Variants in KANK1 observed in about 807,000 individuals in gnomAD.
The protein encoded by KANK1 is KN motif and ankyrin repeat domain-containing protein 1.
KANK1 carries 109 observed loss-of-function variants against 106.2 expected under a neutral mutation model. The observed-to-expected ratio is 1.03, with a 90% CI of 0.88 to 1.20. The LOEUF is 1.20. Ranked by LOEUF, KANK1 falls within the 50% of genes most tolerant of loss-of-function variation. The pLI is 0.00. For synonymous variants in KANK1, 873 were observed against 652.2 expected (o/e 1.34, Z -5.16); for missense variants, 2,399 against 1,710.7 (o/e 1.40, Z -7.10).
At chr9:699,340 C>G (rs773132483) in intron 2 of KANK1, among the ~76,000 whole-genome samples, 2 of 152,194 alleles carry the variant, frequency 1.3e-5, no homozygotes, top group Non-Finnish European at 2.9e-5. Context: ...CTATTGCAGG[C>G]ACTTAATAAA....
chr9:471,387 T>G (rs2058017733), intron 2 of KANK1: 1 of 152,200 alleles, frequency 6.6e-6, no homozygotes, highest in South Asian at 2.1e-4. Context: ...AGTAGGGAAG[T>G]GGGGAGCATG....
At chr9:475,110 A>G (rs368726282) in intron 3 of KANK1, among the ~76,000 whole-genome samples, 1 of 152,218 alleles carries the variant, frequency 6.6e-6, no homozygotes, top group African/African-American at 2.4e-5. Context: ...AGTGACAATC[A>G]GCAGCTTCAC....
chr9:534,873 AATT>A (rs1456988075), intron 1 of KANK1, among the ~76,000 whole-genome samples: 3 of 152,262 alleles, frequency 2.0e-5, no homozygotes, highest in Non-Finnish European at 2.9e-5. Context: ...ATGTGGGAAC[AATT>A]AGTCTTTTAA....
At chr9:684,893 T>C (rs1197174636) in intron 2 of KANK1, among the ~76,000 whole-genome samples, 2 of 147,658 alleles carry the variant, frequency 1.4e-5, no homozygotes, top group Admixed American at 1.4e-4. Flanking sequence ...AAGTTCTTGC[T>C]CTTTCCTGAC....
intron 1 of KANK1, among the ~76,000 whole-genome samples, chr9:668,915 C>T (rs1181556836): frequency 1.3e-5 from 2 of 152,084 alleles, no homozygotes; most frequent in South Asian, 4.2e-4. Flanking sequence ...GGTTTGCACT[C>T]TTATGAGAAT....
intron 1 of KANK1, among the ~76,000 whole-genome samples, chr9:583,457 G>C (rs1285139405): frequency 6.6e-6 from 1 of 152,050 alleles, no homozygotes; most frequent in Non-Finnish European, 1.5e-5. Flanking sequence ...GATTAGTGAA[G>C]TAGTGATGTT....
Position 730,066 on chromosome 9 carries a change from A to G in KANK1, c.2714A>G (p.Tyr905Cys). Residue 905 changes from tyrosine (Y) to cysteine (C), a missense_variant, in exon 4 of 12, where the codon TAT becomes TGT. Tyr to Cys is a radical substitution (Grantham distance 194). Coordinates refer to ENST00000382297, the MANE Select transcript of KANK1 (RefSeq NM_015158.5). ...LGKITGNYLG[Y>C]TCKCGGLQSG... The stretch of plus-strand genomic sequence containing the variant: ...TTCCTGATAGGCAATTATTTGGGAT[A>G]TACCTGTAAGTGTGGGGGCCTTCAG... The G allele has an allele frequency of 6.2e-7, 1 of 1,614,148 alleles. No homozygotes were observed. Among genetic ancestry groups the G allele is most frequent in the Non-Finnish European group, 8.5e-7 (1 of 1,180,006 alleles).
At chr9:737,699 G>C (rs1484567211) in intron 7 of KANK1, among the ~76,000 whole-genome samples, 3 of 152,200 alleles carry the variant, frequency 2.0e-5, no homozygotes, top group Non-Finnish European at 4.4e-5. Context: ...GTGGGAATTG[G>C]GTTGGCTATA....
chr9:495,719 T>C (rs1475709476), intron 3 of KANK1: 5 of 152,152 alleles, frequency 3.3e-5, no homozygotes, highest in Non-Finnish European at 7.3e-5. Flanking sequence ...CTTGGAAGAC[T>C]CCCTCCACCC....
chr9:610,534 A>G (rs1249038329), intron 1 of KANK1, among the ~76,000 whole-genome samples: 1 of 152,196 alleles, frequency 6.6e-6, no homozygotes, highest in African/African-American at 2.4e-5. Context: ...TGTTGGTTTA[A>G]TATAGCAGCT....
chr9:545,199 G>C (rs540936555), intron 1 of KANK1, among the ~76,000 whole-genome samples: 1 of 151,920 alleles, frequency 6.6e-6, no homozygotes, highest in African/African-American at 2.4e-5. Context: ...TGAATGGGGA[G>C]AGGCAAACAT....
intron 2 of KANK1, among the ~76,000 whole-genome samples, chr9:697,596 C>T (rs967947697): frequency 6.6e-6 from 1 of 152,040 alleles, no homozygotes; most frequent in African/African-American, 2.4e-5. Flanking sequence ...TACCTGAATC[C>T]GCCACTGTTC....
chr9:643,352 A>G (rs1233605767), intron 1 of KANK1, among the ~76,000 whole-genome samples: 1 of 150,802 alleles, frequency 6.6e-6, no homozygotes, highest in Non-Finnish European at 1.5e-5. Context: ...ATTTAAAAAC[A>G]TCTTTCAAAT....
chr9:553,594 CAG>C (rs1180498909), intron 1 of KANK1, among the ~76,000 whole-genome samples: 3 of 152,106 alleles, frequency 2.0e-5, no homozygotes, highest in East Asian at 1.9e-4. Context: ...CTGTGTAACA[CAG>C]GGGATGAAGT....
At chr9:626,747 C>T (rs1834438647) in intron 1 of KANK1, among the ~76,000 whole-genome samples, 1 of 152,206 alleles carries the variant, frequency 6.6e-6, no homozygotes, top group South Asian at 2.1e-4. Context: ...CTTAAACAAG[C>T]ACACAGTACT....
At chr9:738,927 A>C (rs1834564289) in intron 8 of KANK1, among the ~76,000 whole-genome samples, 1 of 152,160 alleles carries the variant, frequency 6.6e-6, no homozygotes, top group African/African-American at 2.4e-5. Flanking sequence ...TTACTCCATG[A>C]CTGCTGTCCT....
At chr9:630,074 G>A (rs10975485) in intron 1 of KANK1, among the ~76,000 whole-genome samples, 3 of 151,400 alleles carry the variant, frequency 2.0e-5, no homozygotes, top group Admixed American at 6.6e-5. Flanking sequence ...ATGGCAAAAC[G>A]CTGTCTCCAC....
intron 1 of KANK1, among the ~76,000 whole-genome samples, chr9:532,548 C>T (rs2133575501): frequency 6.6e-6 from 1 of 152,028 alleles, no homozygotes; most frequent in Middle Eastern, 3.4e-3. Context: ...TCCACTCCCT[C>T]CAGCCCCTGG....
chr9:640,339 G>A (rs756012791), intron 1 of KANK1, among the ~76,000 whole-genome samples: 11 of 152,032 alleles, frequency 7.2e-5, no homozygotes, highest in East Asian at 1.9e-4. Context: ...GGGTTCAGGC[G>A]ATTCTCCTGC....
Sources: gnomAD v4.1 joint callset for allele counts (sites outside exome capture counted in the v4.1 genomes callset) on GRCh38, gnomAD v4.1.1 for gene constraint, MANE v1.5 for transcripts, NCBI Gene and HGNC (gene_info 2026-07-23, HGNC 2026-07-21) for gene names.